The following PLIN5 variants were observed in gnomAD, a reference collection of about 807,000 sequenced individuals.
PLIN5 encodes the protein perilipin 5, also known as perilipin-5.
Under a neutral mutation model 32.8 loss-of-function variants are expected in PLIN5, and 34 were observed. The observed-to-expected ratio is 1.04, with a 90% confidence interval of 0.79 to 1.38. PLIN5 has a LOEUF of 1.38. Among genes scored for constraint, PLIN5 ranks in the 40% most tolerant of loss-of-function variants. The pLI is 0.00. For missense variants in PLIN5, 712 were observed against 660.5 expected (o/e 1.08, Z -0.85); for synonymous variants, 309 against 292.9 (o/e 1.05, Z -0.56).
chr19:4,532,678 G>C (rs1976901808), intron 2 of PLIN5: 1 of 151,880 alleles, frequency 6.6e-6, no homozygotes, highest in Non-Finnish European at 1.5e-5. Flanking sequence ...CAATTTTTTT[G>C]TTTTCAATAG....
chr19:4,535,207 C>T lies in PLIN5; in HGVS notation c.-64G>A, dbSNP rs1365234588. 1 of 151,986 alleles carries T rather than the reference C, an allele frequency of 6.6e-6. No homozygotes were observed. Among genetic ancestry groups the T allele is most frequent in the Non-Finnish European group, 1.5e-5 (1 of 68,094 alleles). The allele number at this position is 151,986 out of a possible 1,614,324, so 9.4% of individuals were successfully genotyped here. A position where few individuals can be genotyped will look rare whatever the true frequency, so the allele number is the denominator to read the frequency against. ...CAGACACCAGCTGTCTCCGCCGACCCCAGGCTCGAGTCTCCACACCCCCGC... is the reference window on the plus strand; with the variant it reads ...CAGACACCAGCTGTCTCCGCCGACCTCAGGCTCGAGTCTCCACACCCCCGC... On this transcript the variant is annotated 5_prime_UTR_variant, in exon 1 of 8. Coordinates refer to ENST00000381848, the MANE Select transcript of PLIN5 (RefSeq NM_001013706.3).
At chr19:4,526,113 G>T (rs1416094074) in intron 5 of PLIN5, among the ~76,000 whole-genome samples, 1 of 152,178 alleles carries the variant, frequency 6.6e-6, no homozygotes, top group African/African-American at 2.4e-5. Flanking sequence ...ACTATGGTGG[G>T]CCCTGTTTTA....
chr19:4,533,434 C>T (rs1246327253), intron 2 of PLIN5: 1 of 156,850 alleles, frequency 6.4e-6, no homozygotes, highest in Non-Finnish European at 1.4e-5. Context: ...TTGAAGGGTC[C>T]ACTGCGATCT....
chr19:4,531,192 G>C (rs888973279), intron 3 of PLIN5, among the ~76,000 whole-genome samples: 4 of 151,034 alleles, frequency 2.6e-5, no homozygotes, highest in Non-Finnish European at 4.4e-5. Flanking sequence ...GTAGAGACAG[G>C]GTTTCACTAT....
In PLIN5 at chr19:4,531,579, G is replaced by A. The variant is rs749143450; in HGVS notation, c.256+48C>T. The A allele has an allele frequency of 4.1e-5, 60 of 1,455,796 alleles. No individual in the cohort carries two copies. In the South Asian group the frequency reaches 7.7e-4, roughly 19 times the overall value. The allele number at this position is 1,455,796 out of a possible 1,614,324, so 90.2% of individuals were successfully genotyped here. ...AAGGAGGATGGGACAGGGGGCGGTG[G>A]GGGGGTGGCAAGCCACAGCTCCCAG... On this transcript the variant is annotated intron_variant, in intron 3 of 7. Coordinates refer to ENST00000381848, the MANE Select transcript of PLIN5 (RefSeq NM_001013706.3).
chr19:4,525,792 C>T lies in PLIN5; in HGVS notation c.561G>A (p.Ser187=), dbSNP rs1169516407. 5 of 1,613,146 alleles carry T rather than the reference C, an allele frequency of 3.1e-6. No homozygotes were observed. The highest frequency in any genetic ancestry group is 4.5e-5 in the East Asian group (2 of 44,890). ...AAEAEGPEVG[S]VEDQRRQQGY... is the part of the protein sequence containing the mutation. ...CCTGCTGTCTCCTCTGATCCTCCAC[C>T]GAACCCACTTCAGGGCCTTCAGCCT... is the stretch of plus-strand genomic sequence containing the variant. Residue 187 remains serine, a synonymous_variant, in exon 6 of 8, where the codon TCG becomes TCA. Transcript: ENST00000381848. This position sits in a 1 kb window ranked among gnomAD's most constrained non-coding sequence, Gnocchi z 5.6.
At chr19:4,528,001 C>T (rs938112766) in intron 5 of PLIN5, among the ~76,000 whole-genome samples, 2 of 151,892 alleles carry the variant, frequency 1.3e-5, no homozygotes, top group African/African-American at 4.8e-5. Context: ...GCTCCACCCC[C>T]CGGGTTCACG....
chr19:4,530,890 T>C (rs1976875408), intron 3 of PLIN5, among the ~76,000 whole-genome samples: 1 of 152,068 alleles, frequency 6.6e-6, no homozygotes, highest in Non-Finnish European at 1.5e-5. Flanking sequence ...GCCAGGCTGT[T>C]CTCGAACTCC....
rs1976846152 is a variant in PLIN5 at position 4,529,174 on chromosome 19, C to A, written c.419G>T (p.Ser140Ile). ...GCTCACGGAGCGCTTCAGCTCCACG[C>A]TCCAGCGCCGGCCCCTCCGGGCCAG... Reference protein sequence around the residue: ...VDLARRGRRWSVELKRSVSHA... With the variant: ...VDLARRGRRWIVELKRSVSHA... Residue 140 changes from serine to isoleucine, a missense_variant, in exon 5 of 8, where the codon AGC becomes ATC. Ser to Ile is a moderately radical substitution (Grantham distance 142, BLOSUM62 -2). Coordinates refer to ENST00000381848, the MANE Select transcript of PLIN5 (RefSeq NM_001013706.3). 6.2e-7 allele frequency: 1 copy of A among 1,613,274 alleles called. No individual in the cohort carries two copies. Among genetic ancestry groups the A allele is most frequent in the South Asian group, 1.1e-5 (1 of 91,062 alleles).
intron 2 of PLIN5, 29 bp from the exon 3 acceptor site, chr19:4,531,851 C>G: frequency 6.7e-7 from 1 of 1,495,346 alleles, no homozygotes; most frequent in Non-Finnish European, 8.9e-7. Flanking sequence ...TCAGGGGGAC[C>G]CTGGGGGAAG....
chr19:4,525,847 A>T lies in PLIN5; in HGVS notation c.521-15T>A. The T allele has an allele frequency of 1.3e-6, 2 of 1,557,696 alleles. No individual in the cohort carries two copies. Among genetic ancestry groups the T allele is most frequent in the Non-Finnish European group, 1.7e-6 (2 of 1,163,218 alleles). On this transcript the variant is annotated splice_polypyrimidine_tract_variant and intron_variant, in intron 5 of 7. Coordinates refer to ENST00000381848, the MANE Select transcript of PLIN5 (RefSeq NM_001013706.3). This position sits in a 1 kb window ranked among gnomAD's most constrained non-coding sequence, Gnocchi z 5.6. ...CGCCAGTGCCGCTGGAGGACAGGAT[A>T]CGGGGACAGCACGGGGACAGGATAC... is the stretch of plus-strand genomic sequence containing the variant.
At chr19:4,530,129 G>C (rs1976865887) in intron 3 of PLIN5, among the ~76,000 whole-genome samples, 1 of 152,100 alleles carries the variant, frequency 6.6e-6, no homozygotes, top group Non-Finnish European at 1.5e-5. Context: ...TGGAGAGAGA[G>C]TCTACGAGGG....
At chr19:4,529,721 C>G in intron 4 of PLIN5, 63 bp downstream of exon 4, 2 of 921,070 alleles carry the variant, frequency 2.2e-6, no homozygotes, top group East Asian at 2.5e-5. Context: ...ATCCCTCCCT[C>G]CCTCCCGCCT....
rs182486411 is a variant in PLIN5 at position 4,523,935 on chromosome 19, C to A, written c.985G>T (p.Ala329Ser). 6.5e-7 allele frequency: 1 copy of A among 1,528,536 alleles called. No individual in the cohort carries two copies. Among genetic ancestry groups the A allele is most frequent in the Non-Finnish European group, 8.7e-7 (1 of 1,145,956 alleles). 94.7% of individuals were successfully genotyped at this position (1,528,536 alleles called of 1,614,324 possible). A position where few individuals can be genotyped will look rare whatever the true frequency, so the allele number is the denominator to read the frequency against. Residue 329 changes from alanine (A) to serine (S), a missense_variant, in exon 8 of 8, where the codon GCC (alanine) becomes TCC (serine). Coordinates refer to ENST00000381848, the MANE Select transcript of PLIN5 (RefSeq NM_001013706.3). The surrounding 1 kb of genome is among the most constrained non-coding windows in gnomAD (Gnocchi z 5.0). ...CTGAAGCAGCGGGCATCAGCGAAGG[C>A]GGTCTGCAGGGCATCCACACTGCGC... ...VRRSVDALQT[A>S]FADARCFRDV...
In PLIN5 at chr19:4,525,563, T is replaced by TA; in HGVS notation, c.720+69dup. ...TGCTTTAGGCTAGCACGGGATCCGG[T>TA]ATTCAGCTGGTGCTCAATCCATACT... On this transcript the variant is annotated intron_variant, in intron 6 of 7. Coordinates refer to ENST00000381848, the MANE Select transcript of PLIN5 (RefSeq NM_001013706.3). The surrounding 1 kb of genome is among the most constrained non-coding windows in gnomAD (Gnocchi z 5.6). The TA allele has an allele frequency of 1.3e-6, 2 of 1,559,364 alleles. No individual in the cohort carries two copies. The highest frequency in any genetic ancestry group is 1.7e-6 in the Non-Finnish European group (2 of 1,144,838).
chr19:4,531,560 G>A (rs1468772012), intron 3 of PLIN5, 67 bp downstream of exon 3: 6 of 1,419,546 alleles, frequency 4.2e-6, no homozygotes, highest in Non-Finnish European at 5.6e-6. Context: ...GACCAAGGAG[G>A]ATGGGACAGG....
Position 4,525,732 on chromosome 19 carries a change from C to G in PLIN5, c.621G>C (p.Arg207=), listed in dbSNP as rs1303544983. The G allele has an allele frequency of 5.0e-6, 8 of 1,613,750 alleles. No individual in the cohort carries two copies. Among genetic ancestry groups the G allele is most frequent in the Non-Finnish European group, 5.9e-6 (7 of 1,180,040 alleles). Residue 207 remains arginine (R), a synonymous_variant, in exon 6 of 8, where the codon CGG becomes CGC. Transcript: ENST00000381848. The surrounding 1 kb of genome is among the most constrained non-coding windows in gnomAD (Gnocchi z 5.6). ...YFVRLGSLSA[R]IRHLAYEHSV... ...AGTGCTCGTAGGCCAGGTGGCGGATCCGTGCTGACAGGGAGCCGAGGCGCA... is the reference window on the plus strand; with the variant it reads ...AGTGCTCGTAGGCCAGGTGGCGGATGCGTGCTGACAGGGAGCCGAGGCGCA...
At chr19:4,524,934 C>CACCTCACCTGGCACTCCTGCG (rs1015443038) in intron 7 of PLIN5, 29 bp downstream of exon 7, 4 of 1,516,560 alleles carry the variant, frequency 2.6e-6, no homozygotes, top group Middle Eastern at 2.3e-4. Context: ...TGGCAGACAC[C>CACCTCACCTGGCACTCCTGCG]ACCTCACCTG....
chr19:4,523,599 T>C lies in PLIN5; in HGVS notation c.1321A>G (p.Ile441Val). 1 of 1,606,972 alleles carries C rather than the reference T, an allele frequency of 6.2e-7. No individual in the cohort carries two copies. The highest frequency in any genetic ancestry group is 8.5e-7 in the Non-Finnish European group (1 of 1,177,312). Residue 441 changes from isoleucine (I) to valine (V), a missense_variant, in exon 8 of 8, where the codon ATC (isoleucine) becomes GTC (valine). Ile to Val is a conservative substitution (Grantham distance 29). Transcript: ENST00000381848. This position sits in a 1 kb window ranked among gnomAD's most constrained non-coding sequence, Gnocchi z 5.0. ...DGDRMGVAGDICEQEPETPSC... is the reference protein window; with the variant it reads ...DGDRMGVAGDVCEQEPETPSC... Reference sequence around the variant, plus strand: ...GGGGTCTCGGGTTCCTGCTCGCAGATGTCCCCGGCAACACCCATCCTGTCC... The same window carrying C: ...GGGGTCTCGGGTTCCTGCTCGCAGACGTCCCCGGCAACACCCATCCTGTCC...
Sources: allele counts gnomAD v4.1 joint callset (sites outside exome capture counted in the v4.1 genomes callset), GRCh38; gene constraint gnomAD v4.1.1; non-coding constraint Gnocchi (gnomAD v3.1); transcripts MANE v1.5; gene names NCBI Gene and HGNC (gene_info 2026-07-23, HGNC 2026-07-21).